CRY2: variants seen among roughly 807,000 people sequenced by gnomAD.
CRY2 encodes the protein cryptochrome-2.
A neutral mutation model predicts 69.5 loss-of-function variants in CRY2; 31 were observed. The ratio of observed to expected loss-of-function variants is 0.45; its 90% CI spans 0.34 to 0.60. The LOEUF (loss-of-function observed/expected upper bound fraction) is 0.60, where lower values mean the gene tolerates loss of function less well. Ranked by LOEUF, CRY2 falls within the 20% of genes least tolerant of loss-of-function variation. The pLI is 0.02. For synonymous variants in CRY2, 303 were observed against 312.2 expected, an observed-to-expected ratio of 0.97 and a Z score of 0.31; for missense variants, 606 against 797.8, an observed-to-expected ratio of 0.76 and a Z score of 2.90.
intron 11 of CRY2, among the ~76,000 whole-genome samples, chr11:45,876,536 T>G (rs1405740163): frequency 6.6e-6 from 1 of 152,228 alleles, no homozygotes; most frequent in African/African-American, 2.4e-5. Context: ...ATTTCTCTCA[T>G]TGGTCCAATT....
In CRY2 at chr11:45,880,138, G is replaced by A. The variant is rs572687427; in HGVS notation, c.*3-776G>A. Among the ~76,000 whole-genome samples, 8 of 152,254 alleles carry A rather than the reference G, an allele frequency of 5.3e-5. No individual in the cohort carries two copies. The South Asian group carries it at 1.2e-3, about 24-fold the overall frequency. On this transcript the variant is annotated intron_variant, in intron 11 of 11. Transcript: ENST00000616080. ...CACAAGTGTATAGTACCTGACCCAC[G>A]GCAGGCTTAGTAAGCCTACTTATTG...
intron 6 of CRY2, 109 bp downstream of exon 6, chr11:45,867,861 C>CCAA: frequency 6.9e-7 from 1 of 1,443,516 alleles, no homozygotes; most frequent in Non-Finnish European, 9.5e-7. Flanking sequence ...GGGCTATGGC[C>CCAA]CCTGGAAGGG....
At position 45,869,700 on chromosome 11, in the gene CRY2, T is replaced by G. The variant is rs1220932319; in HGVS notation, c.1077T>G (p.Ile359Met). ...AGGGCAAGACAGGCTTCCCTTGGAT[T>G]GATGCCATCATGACCCAACTGAGGC... Reference protein sequence around the residue: ...WAEGKTGFPWIDAIMTQLRQE... With the variant: ...WAEGKTGFPWMDAIMTQLRQE... Residue 359 changes from isoleucine to methionine, a missense_variant, in exon 7 of 12, where the codon ATT (isoleucine) becomes ATG (methionine). This residue lies in a region of CRY2 where 382 missense variants were observed against 508.9 expected (regional missense o/e 0.75). Coordinates refer to ENST00000616080, the MANE Select transcript of CRY2 (RefSeq NM_021117.5). 1 of 1,614,076 alleles carries G rather than the reference T, an allele frequency of 6.2e-7. No homozygotes were observed. The highest frequency in any genetic ancestry group is 8.5e-7 in the Non-Finnish European group (1 of 1,180,026).
At chr11:45,849,075 A>T (rs1326764056) in intron 1 of CRY2, among the ~76,000 whole-genome samples, 1 of 152,222 alleles carries the variant, frequency 6.6e-6, no homozygotes, top group African/African-American at 2.4e-5. Flanking sequence ...ATGGAATCCG[A>T]CTACCTTCTT....
At position 45,870,935 on chromosome 11, in the gene CRY2, G is replaced by C. The variant is rs934323874; in HGVS notation, c.1642+1G>C. The C allele has an allele frequency of 6.2e-7, 1 of 1,608,724 alleles. No homozygotes were observed. The highest frequency in any genetic ancestry group is 1.3e-5 in the African/African-American group (1 of 74,906). On this transcript the variant is annotated splice_donor_variant, in intron 10 of 11. Transcript: ENST00000616080. LOFTEE classifies it high-confidence loss of function. Reference sequence around the variant, plus strand: ...CAGGCTGGCAGCATGAGCAGTGCAGGTGAGCAGCAGCAACCAACCTCCTGT... The same window carrying C: ...CAGGCTGGCAGCATGAGCAGTGCAGCTGAGCAGCAGCAACCAACCTCCTGT...
At chr11:45,851,125 T>A (rs1177984282) in intron 1 of CRY2, among the ~76,000 whole-genome samples, 1 of 152,034 alleles carries the variant, frequency 6.6e-6, no homozygotes, top group Non-Finnish European at 1.5e-5. Context: ...AAGGAGGTAC[T>A]GCAGCAAGAA....
Position 45,870,867 on chromosome 11 carries a change from T to C in CRY2, c.1575T>C (p.Cys525=). ...GTCTACTGGCATCTGTCCCTTCCTG[T>C]GTGGAAGACCTCAGTCACCCTGTGG... ...GLCLLASVPS[C]VEDLSHPVAE... Residue 525 remains cysteine, a synonymous_variant, in exon 10 of 12, where the codon TGT becomes TGC. Coordinates refer to ENST00000616080, the MANE Select transcript of CRY2 (RefSeq NM_021117.5). 1.2e-6 allele frequency: 2 copies of C among 1,613,666 alleles called. No individual in the cohort carries two copies. Among genetic ancestry groups the C allele is most frequent in the Non-Finnish European group, 8.5e-7 (1 of 1,180,004 alleles).
rs1016821053 is a variant in CRY2 at position 45,861,307 on chromosome 11, A to G, written c.652+275A>G. On this transcript the variant is annotated intron_variant, in intron 4 of 11. Transcript: ENST00000616080. ...TTTTTGTACTAACCTCTCGCAGACA[A>G]TACAGGCACTGCCTGGTGCTGGTGT... 2.4e-5 allele frequency: 9 copies of G among 379,214 alleles called. No individual in the cohort carries two copies. The Admixed American group carries it at 2.8e-4, about 12-fold the overall frequency. 23.5% of individuals were successfully genotyped at this position (379,214 alleles called of 1,614,324 possible). A position where few individuals can be genotyped will look rare whatever the true frequency, so the allele number is the denominator to read the frequency against.
intron 11 of CRY2, among the ~76,000 whole-genome samples, chr11:45,878,584 CA>C (rs1357442163): frequency 6.6e-6 from 1 of 152,068 alleles, no homozygotes; most frequent in African/African-American, 2.4e-5. Context: ...TATTATAGTA[CA>C]AGCTTAAAGG....
intron 10 of CRY2, 73 bp from the exon 11 acceptor site, chr11:45,872,016 AGCT>A: frequency 1.3e-6 from 2 of 1,568,004 alleles, no homozygotes; most frequent in Non-Finnish European, 1.7e-6. Flanking sequence ...TCCCCTAAAG[AGCT>A]GCTGCTGCAT....
chr11:45,867,855 T>C, intron 6 of CRY2, 103 bp downstream of exon 6: 2 of 1,501,922 alleles, frequency 1.3e-6, no homozygotes, highest in Non-Finnish European at 9.1e-7. Context: ...GGGGTTGGGC[T>C]ATGGCCCCTG....
In CRY2 at chr11:45,847,484, G is replaced by A. The variant is rs746393004; in HGVS notation, c.-7G>A. The A allele has an allele frequency of 1.2e-6, 2 of 1,600,628 alleles. No homozygotes were observed. The highest frequency in any genetic ancestry group is 1.1e-5 in the South Asian group (1 of 90,184). ...GAGCGGGGGTGGCTGGAGCAGTCTG[G>A]ACAGTCATGGCGGCGACTGTGGCGA... On this transcript the variant is annotated 5_prime_UTR_variant, in exon 1 of 12. Transcript: ENST00000616080.
chr11:45,861,922 C>CT (rs2086291081), intron 4 of CRY2, 138 bp from the exon 5 acceptor site: 2 of 737,908 alleles, frequency 2.7e-6, no homozygotes, highest in African/African-American at 3.6e-5. Context: ...AACGCTAAAA[C>CT]TTTAAGGATT....
rs1397060607 is a variant in CRY2, at chr11:45,881,884, A to C, written c.*973A>C. 1 of 152,310 alleles carries C rather than the reference A, an allele frequency of 6.6e-6. No homozygotes were observed. The highest frequency in any genetic ancestry group is 1.5e-5 in the Non-Finnish European group (1 of 68,102). 9.4% of individuals were successfully genotyped at this position (152,310 alleles called of 1,614,324 possible). On this transcript the variant is annotated 3_prime_UTR_variant, in exon 12 of 12. Coordinates refer to ENST00000616080, the MANE Select transcript of CRY2 (RefSeq NM_021117.5). ...CAGTGAGGACAGCTGACACCCAGCC[A>C]GGGAAACCATTCTAGTCTTTATTCT...
At chr11:45,866,498 C>G (rs540171950) in intron 5 of CRY2, among the ~76,000 whole-genome samples, 4 of 152,304 alleles carry the variant, frequency 2.6e-5, no homozygotes, top group African/African-American at 9.6e-5. Context: ...GCACAGTTGG[C>G]AGGTATAGCG....
rs1052404231 is a variant in CRY2, at chr11:45,870,462, C to G, written c.1479C>G (p.Ala493=). Residue 493 remains alanine, a synonymous_variant, in exon 9 of 12, where the codon GCC becomes GCG. Coordinates refer to ENST00000616080, the MANE Select transcript of CRY2 (RefSeq NM_021117.5). ...VDYPRPIVNH[A]ETSRLNIERM... ...ACCCACGGCCCATCGTCAACCATGC[C>G]GAGACCAGCCGGCTTAACATTGAAC... is the stretch of plus-strand genomic sequence containing the variant. The G allele has an allele frequency of 1.9e-6, 3 of 1,614,200 alleles. No homozygotes were observed. Among genetic ancestry groups the G allele is most frequent in the Non-Finnish European group, 2.5e-6 (3 of 1,180,046 alleles).
At chr11:45,847,306 GT>G, upstream of CRY2, 1 of 1,571,970 alleles carries the variant, frequency 6.4e-7, no homozygotes, top group Non-Finnish European at 8.6e-7. Flanking sequence ...GGGCGGGCCT[GT>G]TCCGGCGCCT....
rs1486954795 is a variant in CRY2, at chr11:45,881,599, T to G, written c.*688T>G. ...ACAGAAGTACACACAGATACCTGACTGGTGTGGGGTATGCCTGGTACTGTA... is the reference window on the plus strand; with the variant it reads ...ACAGAAGTACACACAGATACCTGACGGGTGTGGGGTATGCCTGGTACTGTA... On this transcript the variant is annotated 3_prime_UTR_variant, in exon 12 of 12. Coordinates refer to ENST00000616080, the MANE Select transcript of CRY2 (RefSeq NM_021117.5). 1 of 152,250 alleles carries G rather than the reference T, an allele frequency of 6.6e-6. No homozygotes were observed. The highest frequency in any genetic ancestry group is 2.4e-5 in the African/African-American group (1 of 41,452). The allele number at this position is 152,250 out of a possible 1,614,324, so 9.4% of individuals were successfully genotyped here.
At chr11:45,877,055 C>T (rs2086429589) in intron 11 of CRY2, among the ~76,000 whole-genome samples, 1 of 152,208 alleles carries the variant, frequency 6.6e-6, no homozygotes, top group Non-Finnish European at 1.5e-5. Flanking sequence ...AGTTTAGACT[C>T]ATATCCCCTA....
Sources: allele counts gnomAD v4.1 joint callset (sites outside exome capture counted in the v4.1 genomes callset), GRCh38; gene constraint gnomAD v4.1.1; regional missense constraint gnomAD v4.1.1; transcripts MANE v1.5; gene names NCBI Gene and HGNC (gene_info 2026-07-23, HGNC 2026-07-21).